Variants in ATL3 observed in about 807,000 individuals in gnomAD.
The protein encoded by ATL3 is atlastin-3.
A neutral mutation model predicts 69.5 loss-of-function variants in ATL3; 49 were observed. The ratio of observed to expected loss-of-function variants is 0.71; its 90% CI spans 0.56 to 0.89. The LOEUF (loss-of-function observed/expected upper bound fraction) is 0.89, where lower values mean the gene tolerates loss of function less well. ATL3 is among the 40% of genes least tolerant of loss of function. The pLI, the probability that ATL3 is intolerant of heterozygous loss-of-function variation, is 0.00. For missense variants in ATL3, 606 were observed against 645.7 expected (o/e 0.94, Z 0.67); for synonymous variants, 214 against 224.1 (o/e 0.95, Z 0.40).
intron 8 of ATL3, among the ~76,000 whole-genome samples, chr11:63,637,405 T>C (rs1939557935): frequency 6.6e-6 from 1 of 152,200 alleles, no homozygotes; most frequent in Non-Finnish European, 1.5e-5. Context: ...TCACTGGTCA[T>C]TGATTTATTC....
chr11:63,662,393 T>G (rs1270576220), intron 1 of ATL3, among the ~76,000 whole-genome samples: 1 of 152,192 alleles, frequency 6.6e-6, no homozygotes, highest in Non-Finnish European at 1.5e-5. Flanking sequence ...ACATAGTAAT[T>G]TTAATAATTA....
chr11:63,632,424 T>A, intron 11 of ATL3: 1 of 838,008 alleles, frequency 1.2e-6, no homozygotes, highest in Non-Finnish European at 2.1e-6. Flanking sequence ...GAGGTGACAT[T>A]GTGATTGCAA....
At chr11:63,661,678 T>C (rs1205645961) in intron 1 of ATL3, among the ~76,000 whole-genome samples, 5 of 151,382 alleles carry the variant, frequency 3.3e-5, no homozygotes, top group Admixed American at 6.6e-5. Context: ...TCACCTGAGG[T>C]TGTGAGTTCC....
Position 63,631,274 on chromosome 11 carries a change from C to A in ATL3, c.1305G>T (p.Lys435Asn), listed in dbSNP as rs758003602. 1.9e-6 allele frequency: 3 copies of A among 1,614,118 alleles called. No individual in the cohort carries two copies. In the African/African-American group the frequency reaches 4.0e-5, roughly 22 times the overall value. Residue 435 changes from lysine to asparagine, a missense_variant, in exon 12 of 13, where the codon AAG (lysine) becomes AAT (asparagine). Transcript: ENST00000398868. ...YENFCKHNGS[K>N]NVFSTFRTPA... ...GGGTTCGGAAGGTGCTGAAGACGTT[C>A]TTGCTACCATTGTGCTTGCAGAAGT...
intron 1 of ATL3, among the ~76,000 whole-genome samples, chr11:63,666,791 C>T (rs964564202): frequency 6.6e-6 from 1 of 152,106 alleles, no homozygotes; most frequent in Non-Finnish European, 1.5e-5. Context: ...ACTTTACATG[C>T]CTTGTCCCTT....
In ATL3 at chr11:63,636,232, C is replaced by A; in HGVS notation, c.953G>T (p.Cys318Phe). ...EKEINGSKVT[C>F]RGLLEYFKAY... ...CTTAAAATACTCCAGTAGTCCCCGA[C>A]AGGTGACCTTTGAGCCATTGATCTC... is the stretch of plus-strand genomic sequence containing the variant. Residue 318 changes from cysteine to phenylalanine, a missense_variant, in exon 9 of 13, where the codon TGT (cysteine) becomes TTT (phenylalanine). Transcript: ENST00000398868. The A allele has an allele frequency of 6.2e-7, 1 of 1,614,154 alleles. No individual in the cohort carries two copies. The highest frequency in any genetic ancestry group is 8.5e-7 in the Non-Finnish European group (1 of 1,180,018).
chr11:63,666,446 G>T (rs1458012321), intron 1 of ATL3, among the ~76,000 whole-genome samples: 1 of 152,136 alleles, frequency 6.6e-6, no homozygotes, highest in Non-Finnish European at 1.5e-5. Context: ...GAAGTAACCT[G>T]TGGAAATATA....
rs1317668315 is a variant in ATL3 at position 63,628,544 on chromosome 11, C to T, written c.*775G>A. 6.6e-6 allele frequency: 1 copy of T among 151,920 alleles called. No homozygotes were observed. Among genetic ancestry groups the T allele is most frequent in the Non-Finnish European group, 1.5e-5 (1 of 67,982 alleles). 9.4% of individuals were successfully genotyped at this position (151,920 alleles called of 1,614,324 possible). ...TCTGTAAACTTTTAAAAAAGGAATC[C>T]TTCTTGGCCGGGCACGGTGGCTCAC... On this transcript the variant is annotated 3_prime_UTR_variant, in exon 13 of 13. Transcript: ENST00000398868.
rs1939107835 is a variant in ATL3 at position 63,626,222 on chromosome 11, A to C, written c.*3097T>G. 1 of 152,182 alleles carries C rather than the reference A, an allele frequency of 6.6e-6. No individual in the cohort carries two copies. Among genetic ancestry groups the C allele is most frequent in the Non-Finnish European group, 1.5e-5 (1 of 68,110 alleles). The allele number at this position is 152,182 out of a possible 1,614,324, so 9.4% of individuals were successfully genotyped here. ...TGGCAAAACCCCACCTCTAGTAAAA[A>C]AACAAAAATTAGCCAGGCGTGGTGG... On this transcript the variant is annotated 3_prime_UTR_variant, in exon 13 of 13. Transcript: ENST00000398868.
At chr11:63,657,692 A>G (rs1940299224) in intron 3 of ATL3, among the ~76,000 whole-genome samples, 1 of 152,236 alleles carries the variant, frequency 6.6e-6, no homozygotes, top group Non-Finnish European at 1.5e-5. Context: ...AAAACAATCA[A>G]TATGTATTAA....
chr11:63,656,211 G>A (rs367679509), intron 3 of ATL3, among the ~76,000 whole-genome samples: 2 of 148,670 alleles, frequency 1.3e-5, no homozygotes, highest in East Asian at 2.0e-4. Context: ...GCGACACAGT[G>A]AGACTCCGTC....
At chr11:63,630,988 C>T (rs1348937903) in intron 12 of ATL3, 52 bp downstream of exon 12, 1 of 1,511,572 alleles carries the variant, frequency 6.6e-7, no homozygotes, top group Non-Finnish European at 8.9e-7. Flanking sequence ...ACAACAGAAG[C>T]ACAAATATCT....
At chr11:63,644,980 C>T (rs964286871) in intron 6 of ATL3, among the ~76,000 whole-genome samples, 4 of 152,100 alleles carry the variant, frequency 2.6e-5, no homozygotes, top group Non-Finnish European at 5.9e-5. Context: ...ACTTGGGAGG[C>T]TGAGGCAGGA....
intron 6 of ATL3, among the ~76,000 whole-genome samples, chr11:63,646,009 C>G (rs759454442): frequency 6.6e-6 from 1 of 152,032 alleles, no homozygotes; most frequent in Non-Finnish European, 1.5e-5. Flanking sequence ...GGTGATCTGC[C>G]TGCTTTGGCC....
At chr11:63,657,080 T>A (rs895790283) in intron 3 of ATL3, among the ~76,000 whole-genome samples, 2 of 151,438 alleles carry the variant, frequency 1.3e-5, no homozygotes, top group African/African-American at 4.9e-5. Flanking sequence ...CATGGTGGTG[T>A]GCACCTGTAC....
intron 5 of ATL3, among the ~76,000 whole-genome samples, chr11:63,647,910 C>A (rs1443000837): frequency 6.6e-6 from 1 of 152,162 alleles, no homozygotes; most frequent in Non-Finnish European, 1.5e-5. Context: ...CAGGGGCCAA[C>A]AAGGAAGAAG....
intron 1 of ATL3, among the ~76,000 whole-genome samples, chr11:63,666,019 G>A (rs767793893): frequency 6.6e-6 from 1 of 152,080 alleles, no homozygotes; most frequent in Non-Finnish European, 1.5e-5. Flanking sequence ...TCACTCTGTT[G>A]CACAGGCTAG....
chr11:63,636,272 T>G lies in ATL3; in HGVS notation c.913A>C (p.Lys305Gln). The G allele has an allele frequency of 6.2e-7, 1 of 1,614,082 alleles. No individual in the cohort carries two copies. Residue 305 changes from lysine to glutamine, a missense_variant, in exon 9 of 13, where the codon AAG (lysine) becomes CAG (glutamine). Transcript: ENST00000398868. ...ALIPYVLNPS[K>Q]LMEKEINGSK... Reference sequence around the variant, plus strand: ...CCATTGATCTCCTTTTCCATTAACTTAGATGGGTTTAATACATACGGTATC... The same window carrying G: ...CCATTGATCTCCTTTTCCATTAACTGAGATGGGTTTAATACATACGGTATC...
chr11:63,630,414 A>T (rs980696009), intron 12 of ATL3, among the ~76,000 whole-genome samples: 12 of 148,398 alleles, frequency 8.1e-5, no homozygotes, highest in African/African-American at 3.0e-4. Context: ...GCAAAAGCGT[A>T]AAAATCTGTC....
Sources: allele counts gnomAD v4.1 joint callset (sites outside exome capture counted in the v4.1 genomes callset), GRCh38; gene constraint gnomAD v4.1.1; transcripts MANE v1.5; gene names NCBI Gene and HGNC (gene_info 2026-07-23, HGNC 2026-07-21).